ANO3: variants seen among roughly 807,000 people sequenced by gnomAD.
The protein encoded by ANO3 is anoctamin 3, also known as anoctamin-3.
A neutral mutation model predicts 144.8 loss-of-function variants in ANO3; 99 were observed. The ratio of observed to expected loss-of-function variants is 0.68; its 90% CI spans 0.58 to 0.81. The LOEUF is 0.81. Among genes scored for constraint, ANO3 ranks in the 30% least tolerant of loss-of-function variants. The pLI, the probability that ANO3 is intolerant of heterozygous loss-of-function variation, is 0.00. For missense variants in ANO3, 905 were observed against 1,202.2 expected (o/e 0.75, Z 3.66); for synonymous variants, 414 against 392.6 (o/e 1.05, Z -0.64).
At position 26,252,334 on chromosome 11, in the gene ANO3, ATCTTTTT is replaced by A. The variant is rs200195039; in HGVS notation, c.155-57296_155-57290del. Among the ~76,000 whole-genome samples, 1,353 of 152,244 alleles carry A rather than the reference ATCTTTTT, an allele frequency of 8.9e-3. 21 individuals are homozygous for A. The highest frequency in any genetic ancestry group is 0.03 in the African/African-American group (1,238 of 41,548). ...TGAATTCTTGTATTCCTCAGAAGAA[ATCTTTTT>A]TCTTTTTTCTTTTTGCTCTCCAGGC... On this transcript the variant is annotated intron_variant, in intron 1 of 27. Coordinates refer to the ANO3 transcript ENST00000672621.
rs58664691 is a variant in ANO3 at position 26,482,426 on chromosome 11, A to ATG, written c.432+19324_432+19325dup. On this transcript the variant is annotated intron_variant, in intron 4 of 26. Coordinates refer to ENST00000256737, the MANE Select transcript of ANO3 (RefSeq NM_031418.4). ...TTTGCAGTAATTTGAACACAGATAT[A>ATG]TGTGTGTGTGTGTGTGTGTGTGTGT... Among the ~76,000 whole-genome samples, 616 of 141,104 alleles carry ATG rather than the reference A, an allele frequency of 4.4e-3. 3 individuals are homozygous for ATG. Among genetic ancestry groups the ATG allele is most frequent in the South Asian group, 9.2e-3 (39 of 4,252 alleles). The allele number at this position is 141,104 out of a possible 152,430, so 92.6% of individuals were successfully genotyped here. A position where few individuals can be genotyped will look rare whatever the true frequency, so the allele number is the denominator to read the frequency against.
chr11:26,642,246 GT>G (rs571465249), intron 22 of ANO3, among the ~76,000 whole-genome samples: 7 of 151,328 alleles, frequency 4.6e-5, no homozygotes, highest in Middle Eastern at 3.5e-3. Context: ...CAAAATGAAA[GT>G]TTTTCTCACA....
chr11:26,259,082 A>G (rs1327098249), intron 1 of ANO3, among the ~76,000 whole-genome samples: 3 of 152,168 alleles, frequency 2.0e-5, no homozygotes. Flanking sequence ...CAGGCCTAAG[A>G]CCAATGTTTT....
At chr11:26,572,414 GA>G (rs972830187) in intron 14 of ANO3, among the ~76,000 whole-genome samples, 26 of 151,638 alleles carry the variant, frequency 1.7e-4, no homozygotes, top group Non-Finnish European at 2.9e-4. Flanking sequence ...CACCCTAAGT[GA>G]AAAAAAGGAC....
At chr11:26,426,376 A>G (rs1040246700) in intron 1 of ANO3, among the ~76,000 whole-genome samples, 2 of 152,206 alleles carry the variant, frequency 1.3e-5, no homozygotes, top group African/African-American at 2.4e-5. Flanking sequence ...GTGTGAAAAG[A>G]TAAAACTTTA....
At chr11:26,573,549 G>A (rs1177108600) in intron 14 of ANO3, among the ~76,000 whole-genome samples, 5 of 152,068 alleles carry the variant, frequency 3.3e-5, no homozygotes, top group African/African-American at 1.2e-4. Flanking sequence ...TTTTCCCTAG[G>A]CCTTTTCTGC....
intron 1 of ANO3, among the ~76,000 whole-genome samples, chr11:26,438,733 G>T (rs1329189742): frequency 1.3e-5 from 2 of 148,170 alleles, no homozygotes; most frequent in East Asian, 4.0e-4. Context: ...AGCTGAGATC[G>T]CACCACTGCA....
At chr11:26,450,715 T>C (rs1020757745) in intron 3 of ANO3, among the ~76,000 whole-genome samples, 2 of 152,172 alleles carry the variant, frequency 1.3e-5, no homozygotes, top group Non-Finnish European at 2.9e-5. Context: ...AGCAGAATTG[T>C]AGTGAAAGCT....
chr11:26,355,601 C>T (rs564559868), intron 1 of ANO3, among the ~76,000 whole-genome samples: 17 of 151,036 alleles, frequency 1.1e-4, no homozygotes, highest in Non-Finnish European at 2.5e-4. Flanking sequence ...CTCTCTTTGC[C>T]CAGGATGGAG....
At chr11:26,299,704 G>A (rs1187041376) in intron 1 of ANO3, among the ~76,000 whole-genome samples, 3 of 152,130 alleles carry the variant, frequency 2.0e-5, no homozygotes, top group Non-Finnish European at 4.4e-5. Flanking sequence ...TCTGTAGGGA[G>A]AGAGCATGTA....
At position 26,335,685 on chromosome 11, in the gene ANO3, G is replaced by A. The variant is rs377336397; in HGVS notation, c.46+3364G>A. Among the ~76,000 whole-genome samples, 7 of 152,278 alleles carry A rather than the reference G, an allele frequency of 4.6e-5. 2 individuals are homozygous for A. Among genetic ancestry groups the A allele is most frequent in the Admixed American group, 2.0e-4 (3 of 15,300 alleles). On this transcript the variant is annotated intron_variant, in intron 1 of 26. Transcript: ENST00000256737. ...TTTTGCTGCGTGTATGCCAGGGACT[G>A]TGCTTAATAATAGCATTATTCAGTC...
chr11:26,464,270 G>A (rs755280507), intron 4 of ANO3, among the ~76,000 whole-genome samples: 15 of 151,716 alleles, frequency 9.9e-5, no homozygotes, highest in Non-Finnish European at 2.2e-4. Flanking sequence ...AGTTATCTTT[G>A]CAAATCAGGT....
chr11:26,427,716 T>C (rs184386866), intron 1 of ANO3, among the ~76,000 whole-genome samples: 13 of 152,136 alleles, frequency 8.5e-5, no homozygotes, highest in Non-Finnish European at 1.5e-4. Flanking sequence ...ACACTGCTAA[T>C]AAAGACATAC....
At chr11:26,319,465 G>A (rs1443632204) in intron 1 of ANO3, among the ~76,000 whole-genome samples, 2 of 152,026 alleles carry the variant, frequency 1.3e-5, no homozygotes, top group African/African-American at 4.8e-5. Context: ...TATATCGTTG[G>A]GTATTAATTT....
At chr11:26,438,816 G>A (rs559676634) in intron 1 of ANO3, among the ~76,000 whole-genome samples, 20 of 148,866 alleles carry the variant, frequency 1.3e-4, no homozygotes, top group African/African-American at 4.4e-4. Context: ...TGCCTTTTTT[G>A]CATGAATTGA....
At chr11:26,408,435 A>G (rs1857345251) in intron 1 of ANO3, among the ~76,000 whole-genome samples, 1 of 152,004 alleles carries the variant, frequency 6.6e-6, no homozygotes, top group South Asian at 2.1e-4. Context: ...ATACCATCTC[A>G]CACCAGTTAG....
chr11:26,565,508 A>T (rs753579419), intron 14 of ANO3: 6 of 1,613,426 alleles, frequency 3.7e-6, no homozygotes, highest in Non-Finnish European at 5.1e-6. Context: ...GCACTTTAGA[A>T]ACAAAGCTAT....
chr11:26,500,126 C>T (rs1002277154), intron 4 of ANO3, among the ~76,000 whole-genome samples: 2 of 152,092 alleles, frequency 1.3e-5, no homozygotes, highest in South Asian at 4.2e-4. Flanking sequence ...TATGTTGTAG[C>T]ATGTGTTAAC....
chr11:26,654,800 T>C (rs1049514891), intron 24 of ANO3, among the ~76,000 whole-genome samples: 2 of 152,180 alleles, frequency 1.3e-5, no homozygotes, highest in African/African-American at 4.8e-5. Flanking sequence ...TAGAGTTTAT[T>C]ATGTCTCCAG....
Sources: allele counts gnomAD v4.1 joint callset (sites outside exome capture counted in the v4.1 genomes callset), GRCh38; gene constraint gnomAD v4.1.1; transcripts MANE v1.5; gene names NCBI Gene and HGNC (gene_info 2026-07-23, HGNC 2026-07-21).